The following HECW1 variants were observed in gnomAD, a reference collection of about 807,000 sequenced individuals.
The protein encoded by HECW1 is HECT, C2 and WW domain containing E3 ubiquitin protein ligase 1.
HECW1 carries 61 observed loss-of-function variants against 182.3 expected under a neutral mutation model. The observed-to-expected ratio is 0.33, with a 90% CI of 0.27 to 0.41. The LOEUF is 0.41. Ranked by LOEUF, HECW1 falls within the 10% of genes least tolerant of loss-of-function variation. The pLI, the probability that HECW1 is intolerant of heterozygous loss-of-function variation, is 1.00. For missense variants in HECW1, 1,739 were observed against 2,108.9 expected (o/e 0.82, Z 3.44); for synonymous variants, 859 against 832.6 (o/e 1.03, Z -0.55).
In HECW1 at chr7:43,539,764, A is replaced by ATG. The variant is rs200150199; in HGVS notation, c.4020-1398_4020-1397insGT. On this transcript the variant is annotated intron_variant, in intron 24 of 29. Transcript: ENST00000395891. ...CGACCTAGATGGCCACAACCCTACT[A>ATG]TCATGTTAGAAGCATTGGTTACAAT... Among the ~76,000 whole-genome samples, 1,391 of 152,228 alleles carry ATG rather than the reference A, an allele frequency of 9.1e-3. 13 individuals carry two copies. Among genetic ancestry groups the ATG allele is most frequent in the African/African-American group, 0.031 (1,308 of 41,538 alleles).
chr7:43,470,119 G>A (rs376571629), intron 16 of HECW1, among the ~76,000 whole-genome samples: 3 of 152,232 alleles, frequency 2.0e-5, no homozygotes, highest in African/African-American at 7.2e-5. Flanking sequence ...GACATGTGTA[G>A]TAGAAAAGTC....
chr7:43,452,416 A>G (rs1234671874), intron 12 of HECW1, among the ~76,000 whole-genome samples: 2 of 152,220 alleles, frequency 1.3e-5, no homozygotes, highest in Admixed American at 1.3e-4. Flanking sequence ...ATGAGAACAA[A>G]TTTCTCCAGA....
intron 2 of HECW1, among the ~76,000 whole-genome samples, chr7:43,157,042 G>C: frequency 6.6e-6 from 1 of 152,280 alleles, no homozygotes; most frequent in Middle Eastern, 3.4e-3. Flanking sequence ...ATGTTCATTC[G>C]CAAACCTGGG....
chr7:43,519,170 A>G (rs977868212), intron 24 of HECW1, among the ~76,000 whole-genome samples: 7 of 152,112 alleles, frequency 4.6e-5, no homozygotes, highest in Non-Finnish European at 1.5e-5. Flanking sequence ...ATACCCATAG[A>G]GGTTTAAACT....
intron 2 of HECW1, among the ~76,000 whole-genome samples, chr7:43,177,391 C>T (rs1792369018): frequency 6.6e-6 from 1 of 152,174 alleles, no homozygotes. Context: ...TTCCCTAGTA[C>T]CTAATGACCA....
chr7:43,170,511 G>T (rs2152666715), intron 2 of HECW1, among the ~76,000 whole-genome samples: 1 of 152,262 alleles, frequency 6.6e-6, no homozygotes, highest in South Asian at 2.1e-4. Flanking sequence ...ATTAGCTTAG[G>T]CCAAAAGAAG....
rs180824227 is a variant in HECW1 at position 43,537,807 on chromosome 7, T to C, written c.4020-3356T>C. Among the ~76,000 whole-genome samples the C allele has an allele frequency of 3.3e-3, 509 of 152,306 alleles. 3 individuals carry two copies. Among genetic ancestry groups the C allele is most frequent in the Middle Eastern group, 0.01 (3 of 294 alleles). Reference sequence around the variant, plus strand: ...ACAGTTATTTTTTTTAAAAAAGCTATGGCTTGTTTGTTGCCCATGTCAGTC... The same window carrying C: ...ACAGTTATTTTTTTTAAAAAAGCTACGGCTTGTTTGTTGCCCATGTCAGTC... On this transcript the variant is annotated intron_variant, in intron 24 of 29. Coordinates refer to ENST00000395891, the MANE Select transcript of HECW1 (RefSeq NM_015052.5).
intron 2 of HECW1, among the ~76,000 whole-genome samples, chr7:43,203,107 G>A (rs933939239): frequency 6.6e-6 from 1 of 152,118 alleles, no homozygotes; most frequent in Non-Finnish European, 1.5e-5. Flanking sequence ...ACACTCAGGC[G>A]ATCTGCCTGC....
intron 29 of HECW1, among the ~76,000 whole-genome samples, chr7:43,560,974 G>A (rs572832473): frequency 9.2e-5 from 14 of 152,280 alleles, no homozygotes; most frequent in Admixed American, 7.2e-4. Flanking sequence ...TACAGGACTC[G>A]GCATCAGCCA....
At position 43,244,059 on chromosome 7, in the gene HECW1, G is replaced by A. The variant is rs1799134580; in HGVS notation, c.27+127G>A. 5.1e-6 allele frequency: 4 copies of A among 784,446 alleles called. No individual in the cohort carries two copies. In the East Asian group the frequency reaches 9.9e-5, roughly 19 times the overall value. The allele number at this position is 784,446 out of a possible 1,614,324, so 48.6% of individuals were successfully genotyped here. On this transcript the variant is annotated intron_variant, in intron 3 of 29. Transcript: ENST00000395891. ...GCCCAGCCCAGGAATTATCTCAAGT[G>A]TGGCTGGACATTTGAGATCCATCAC... is the stretch of plus-strand genomic sequence containing the variant.
At chr7:43,278,540 TCAGAGCCTCAGATGGCTCC>T (rs1455562092) in intron 3 of HECW1, among the ~76,000 whole-genome samples, 1 of 152,116 alleles carries the variant, frequency 6.6e-6, no homozygotes, top group Non-Finnish European at 1.5e-5. Context: ...ACTTCCCTGT[TCAGAGCCTCAGATGGCTCC>T]CAGAGCCCCA....
At chr7:43,542,086 T>G (rs1360676780) in intron 26 of HECW1, 88 bp downstream of exon 26, 3 of 1,207,362 alleles carry the variant, frequency 2.5e-6, no homozygotes, top group African/African-American at 3.1e-5. Context: ...TAATCATTTT[T>G]AAGTGTAGAC....
At chr7:43,499,193 G>T (rs1322041640) in intron 19 of HECW1, among the ~76,000 whole-genome samples, 1 of 152,120 alleles carries the variant, frequency 6.6e-6, no homozygotes, top group Non-Finnish European at 1.5e-5. Context: ...GAGGCAGGAG[G>T]ATCACTGGAG....
intron 2 of HECW1, among the ~76,000 whole-genome samples, chr7:43,178,234 G>A (rs1792452782): frequency 1.3e-5 from 2 of 152,170 alleles, no homozygotes; most frequent in African/African-American, 4.8e-5. Context: ...TCAAACTCCT[G>A]AACTCAAATG....
intron 6 of HECW1, among the ~76,000 whole-genome samples, chr7:43,374,195 AAC>A (rs1192140096): frequency 2.6e-5 from 4 of 152,260 alleles, no homozygotes; most frequent in Non-Finnish European, 5.9e-5. Flanking sequence ...AATAAAAAGA[AAC>A]ACTACGAAAA....
rs1799110923 is a variant in HECW1, at chr7:43,243,812, A to G, written c.-31-63A>G. On this transcript the variant is annotated intron_variant, in intron 2 of 29. Coordinates refer to ENST00000395891, the MANE Select transcript of HECW1 (RefSeq NM_015052.5). The surrounding 1 kb of genome is among the most constrained non-coding windows in gnomAD (Gnocchi z 4.0). Reference sequence around the variant, plus strand: ...GGGAAACAATGTTGTTTGTGTGGGTAATGTTGCTGATTTTGTTTGCTTGGG... The same window carrying G: ...GGGAAACAATGTTGTTTGTGTGGGTGATGTTGCTGATTTTGTTTGCTTGGG... 3 of 1,199,728 alleles carry G rather than the reference A, an allele frequency of 2.5e-6. No individual in the cohort carries two copies. The highest frequency in any genetic ancestry group is 2.3e-5 in the East Asian group (1 of 42,990). 74.3% of individuals were successfully genotyped at this position (1,199,728 alleles called of 1,614,324 possible).
At chr7:43,353,376 GA>G (rs1343509102) in intron 5 of HECW1, among the ~76,000 whole-genome samples, 1 of 152,018 alleles carries the variant, frequency 6.6e-6, no homozygotes, top group Non-Finnish European at 1.5e-5. Context: ...ACTCGTTTAA[GA>G]AAAAGGAAAA....
intron 7 of HECW1, among the ~76,000 whole-genome samples, chr7:43,398,796 C>T (rs1362979519): frequency 1.3e-5 from 2 of 152,042 alleles, no homozygotes; most frequent in Non-Finnish European, 2.9e-5. Flanking sequence ...GAGAATTCGG[C>T]CATCAGAATT....
chr7:43,222,935 TCTC>T (rs1253405992), intron 2 of HECW1, among the ~76,000 whole-genome samples: 3 of 152,140 alleles, frequency 2.0e-5, no homozygotes, highest in Non-Finnish European at 4.4e-5. Flanking sequence ...CCATCCCACA[TCTC>T]CTTCTTGAAT....
Sources: allele counts gnomAD v4.1 joint callset (sites outside exome capture counted in the v4.1 genomes callset), GRCh38; gene constraint gnomAD v4.1.1; non-coding constraint Gnocchi (gnomAD v3.1); transcripts MANE v1.5; gene names NCBI Gene and HGNC (gene_info 2026-07-23, HGNC 2026-07-21).